The following OPCML variants were observed in gnomAD, a reference collection of about 807,000 sequenced individuals.
OPCML encodes the protein opioid-binding protein/cell adhesion molecule.
A neutral mutation model predicts 37.8 loss-of-function variants in OPCML; 13 were observed. That is an observed-to-expected ratio of 0.34 (90% CI 0.22 to 0.55). OPCML has a LOEUF of 0.55. OPCML is among the 20% of genes least tolerant of loss of function. The probability of loss-of-function intolerance (pLI) is 0.91; values close to 1 mark genes in which losing one functional copy is unlikely to be tolerated. For missense variants in OPCML, 341 were observed against 435.6 expected, an observed-to-expected ratio of 0.78 and a Z score of 1.93; for synonymous variants, 176 against 168.8, an observed-to-expected ratio of 1.04 and a Z score of -0.33.
chr11:132,704,692 G>A (rs1439418940), intron 2 of OPCML, among the ~76,000 whole-genome samples: 2 of 152,168 alleles, frequency 1.3e-5, no homozygotes, highest in Non-Finnish European at 2.9e-5. Flanking sequence ...TTTGAGCAAT[G>A]GATGAACAGT....
intron 4 of OPCML, among the ~76,000 whole-genome samples, chr11:132,489,590 G>A (rs1160687373): frequency 6.6e-6 from 1 of 152,162 alleles, no homozygotes; most frequent in Non-Finnish European, 1.5e-5. Context: ...TAGGACAGCC[G>A]TGATGTCACT....
intron 1 of OPCML, among the ~76,000 whole-genome samples, chr11:133,349,629 C>T (rs918742400): frequency 6.6e-6 from 1 of 152,138 alleles, no homozygotes; most frequent in Admixed American, 6.5e-5. Context: ...CTGTTTAAGA[C>T]ACCTGAGCAA....
chr11:132,790,366 A>C (rs1937816711), intron 2 of OPCML, among the ~76,000 whole-genome samples: 1 of 152,240 alleles, frequency 6.6e-6, no homozygotes, highest in Admixed American at 6.5e-5. Flanking sequence ...AAAAGAGTTG[A>C]AATGTTCCCA....
chr11:133,220,179 T>C (rs1163580230), intron 1 of OPCML, among the ~76,000 whole-genome samples: 1 of 152,096 alleles, frequency 6.6e-6, no homozygotes, highest in Non-Finnish European at 1.5e-5. Flanking sequence ...GGATTCTACA[T>C]TGGGAGCCCA....
At chr11:132,799,590 G>C (rs1231819338) in intron 2 of OPCML, among the ~76,000 whole-genome samples, 2 of 152,028 alleles carry the variant, frequency 1.3e-5, no homozygotes, top group African/African-American at 2.4e-5. Context: ...CTCCATAACA[G>C]ATCCAATAGT....
chr11:133,207,323 A>G (rs1469274142), intron 1 of OPCML, among the ~76,000 whole-genome samples: 1 of 151,960 alleles, frequency 6.6e-6, no homozygotes, highest in African/African-American at 2.4e-5. Flanking sequence ...AAACAAACAA[A>G]AAAGAGAACA....
At chr11:132,629,039 G>C (rs1939921904) in intron 3 of OPCML, among the ~76,000 whole-genome samples, 1 of 151,986 alleles carries the variant, frequency 6.6e-6, no homozygotes, top group Non-Finnish European at 1.5e-5. Flanking sequence ...TTTCACCCCA[G>C]AGCCCACTGA....
intron 2 of OPCML, among the ~76,000 whole-genome samples, chr11:132,721,297 T>G (rs1944663748): frequency 6.6e-6 from 1 of 152,138 alleles, no homozygotes; most frequent in African/African-American, 2.4e-5. Context: ...GGAAACTTCA[T>G]GGAGGAGGCC....
intron 4 of OPCML, among the ~76,000 whole-genome samples, chr11:132,438,275 C>A (rs562355744): frequency 6.6e-6 from 1 of 152,162 alleles, no homozygotes; most frequent in Admixed American, 6.5e-5. Flanking sequence ...TGAGTTCTGT[C>A]AAAACACTGA....
intron 2 of OPCML, among the ~76,000 whole-genome samples, chr11:132,728,858 C>T (rs1359732938): frequency 6.6e-6 from 1 of 152,052 alleles, no homozygotes; most frequent in Non-Finnish European, 1.5e-5. Context: ...AAATATGTAG[C>T]TGAGTAGATG....
intron 1 of OPCML, among the ~76,000 whole-genome samples, chr11:133,221,201 C>CCGTGTGT (rs1418249591): frequency 6.6e-6 from 1 of 152,168 alleles, no homozygotes; most frequent in Non-Finnish European, 1.5e-5. Context: ...GAGCCGGCCA[C>CCGTGTGT]CGTGTGTGAT....
intron 1 of OPCML, among the ~76,000 whole-genome samples, chr11:133,366,928 G>A (rs192974994): frequency 4.6e-5 from 7 of 152,202 alleles, no homozygotes; most frequent in Non-Finnish European, 7.4e-5. Context: ...CAACCCGAGC[G>A]TTCCCCCTTC....
intron 1 of OPCML, among the ~76,000 whole-genome samples, chr11:132,998,532 CA>C (rs904014451): frequency 3.3e-5 from 5 of 151,964 alleles, no homozygotes; most frequent in Non-Finnish European, 5.9e-5. Context: ...TGTTCATAAC[CA>C]AAAAGGGGAA....
chr11:132,767,451 C>A (rs771043412), intron 2 of OPCML, among the ~76,000 whole-genome samples: 1 of 152,166 alleles, frequency 6.6e-6, no homozygotes, highest in Non-Finnish European at 1.5e-5. Context: ...AAGCCGGCAC[C>A]AAAAGTTCTT....
At chr11:132,444,092 G>C (rs576327901) in intron 4 of OPCML, among the ~76,000 whole-genome samples, 1 of 152,212 alleles carries the variant, frequency 6.6e-6, no homozygotes, top group East Asian at 1.9e-4. Flanking sequence ...AGAGTCTGGG[G>C]TAAGGAGGAC....
Position 132,965,375 on chromosome 11 carries a change from G to A in OPCML, c.62-22365C>T, listed in dbSNP as rs562473771. 3.9e-5 allele frequency among the ~76,000 whole-genome samples: 6 copies of A among 152,168 alleles called. No individual in the cohort carries two copies. In the South Asian group the frequency reaches 1.3e-3, roughly 32 times the overall value. On this transcript the variant is annotated intron_variant, in intron 1 of 7. Coordinates refer to ENST00000524381, the MANE Select transcript of OPCML (RefSeq NM_001012393.5). The stretch of plus-strand genomic sequence containing the variant: ...AGGCTGTTTTGTGTCGGGGGGAGAT[G>A]TTTAAATTACTAATTAAACCTCTTG...
intron 1 of OPCML, among the ~76,000 whole-genome samples, chr11:133,215,175 G>A (rs1349135282): frequency 2.0e-5 from 3 of 151,888 alleles, no homozygotes; most frequent in African/African-American, 7.3e-5. Flanking sequence ...TTGAATTGCA[G>A]AAAGGTCACA....
chr11:133,202,625 T>G (rs1417907835), intron 1 of OPCML, among the ~76,000 whole-genome samples: 1 of 152,222 alleles, frequency 6.6e-6, no homozygotes, highest in Non-Finnish European at 1.5e-5. Context: ...TTTTCGATGA[T>G]TTCAAGGTAA....
intron 1 of OPCML, among the ~76,000 whole-genome samples, chr11:133,093,312 T>G (rs1163629100): frequency 6.6e-6 from 1 of 151,814 alleles, no homozygotes; most frequent in Non-Finnish European, 1.5e-5. Context: ...TACTTTAAGT[T>G]CTGGGATACA....
Sources: gnomAD v4.1 joint callset for allele counts (sites outside exome capture counted in the v4.1 genomes callset) on GRCh38, gnomAD v4.1.1 for gene constraint, MANE v1.5 for transcripts, NCBI Gene and HGNC (gene_info 2026-07-23, HGNC 2026-07-21) for gene names.